The following RAB12 variants were observed in gnomAD, a reference collection of about 807,000 sequenced individuals.
RAB12 encodes the protein RAB12, member RAS oncogene family, also known as ras-related protein Rab-12.
A neutral mutation model predicts 28.4 loss-of-function variants in RAB12; 11 were observed. The observed-to-expected ratio is 0.39, with a 90% confidence interval of 0.24 to 0.64. The LOEUF is 0.64. RAB12 is among the 30% of genes least tolerant of loss of function. RAB12 has a pLI of 0.50. For synonymous variants in RAB12, 138 were observed against 145.3 expected (o/e 0.95, Z 0.36); for missense variants, 276 against 351.1 (o/e 0.79, Z 1.71).
At chr18:8,634,565 C>T (rs1188222224) in intron 3 of RAB12, among the ~76,000 whole-genome samples, 1 of 152,156 alleles carries the variant, frequency 6.6e-6, no homozygotes, top group Non-Finnish European at 1.5e-5. Context: ...AATCCTACCC[C>T]ATTTGGTACT....
intron 3 of RAB12, among the ~76,000 whole-genome samples, chr18:8,634,012 G>A (rs1202344192): frequency 2.6e-5 from 4 of 152,112 alleles, no homozygotes; most frequent in African/African-American, 9.7e-5. Flanking sequence ...TAGTTCCTTT[G>A]CATAACAAGC....
chr18:8,637,989 G>C (rs1046374959), intron 5 of RAB12, among the ~76,000 whole-genome samples, 160 bp from the exon 6 acceptor site: 6 of 152,166 alleles, frequency 3.9e-5, no homozygotes, highest in Non-Finnish European at 8.8e-5. Context: ...CAGAGGCGGA[G>C]GAGAAGGTGA....
intron 1 of RAB12, among the ~76,000 whole-genome samples, chr18:8,612,013 G>C (rs1273757659): frequency 6.6e-6 from 1 of 152,198 alleles, no homozygotes; most frequent in Non-Finnish European, 1.5e-5. Flanking sequence ...CTCCACTTCA[G>C]TTTCTGCTTC....
intron 1 of RAB12, among the ~76,000 whole-genome samples, chr18:8,621,373 C>A (rs2096009792): frequency 6.6e-6 from 1 of 152,114 alleles, no homozygotes; most frequent in African/African-American, 2.4e-5. Context: ...GTATATGTTT[C>A]TAAGCCAAAA....
chr18:8,613,774 A>T (rs995276320), intron 1 of RAB12, among the ~76,000 whole-genome samples: 1 of 152,160 alleles, frequency 6.6e-6, no homozygotes, highest in East Asian at 1.9e-4. Context: ...AGGCTCTGCC[A>T]CTAACTAGTT....
chr18:8,616,601 T>G (rs962691710), intron 1 of RAB12, among the ~76,000 whole-genome samples: 1 of 152,172 alleles, frequency 6.6e-6, no homozygotes, highest in Non-Finnish European at 1.5e-5. Context: ...TTTCGCTGGC[T>G]TCCTCTCACC....
chr18:8,624,175 C>T (rs529937977), intron 1 of RAB12, among the ~76,000 whole-genome samples: 1 of 152,350 alleles, frequency 6.6e-6, no homozygotes, highest in African/African-American at 2.4e-5. Context: ...GCCAGCATCC[C>T]TTTTGTTTCC....
At chr18:8,628,461 A>G (rs1179654620) in intron 2 of RAB12, among the ~76,000 whole-genome samples, 1 of 152,176 alleles carries the variant, frequency 6.6e-6, no homozygotes, top group Non-Finnish European at 1.5e-5. Flanking sequence ...TCAAAGAAAC[A>G]TGCTTTTCTA....
At chr18:8,629,848 T>C (rs9947669) in intron 2 of RAB12, among the ~76,000 whole-genome samples, 18,551 of 152,230 alleles carry the variant, frequency 0.12, 1,351 homozygotes, top group Admixed American at 0.17. Context: ...TGAGAGGCTC[T>C]GGTGGCCTTG....
At chr18:8,620,139 C>CTTTTTTTTTTTTTTTTTTTTTTTTT (rs71165795) in intron 1 of RAB12, among the ~76,000 whole-genome samples, 3 of 53,952 alleles carry the variant, frequency 5.6e-5, no homozygotes, top group Non-Finnish European at 9.3e-5. Context: ...TTTTCTTCTT[C>CTTTTTTTTTTTTTTTTTTTTTTTTT]TTTTTTTTTT....
chr18:8,628,989 A>G (rs2096014428), intron 2 of RAB12, among the ~76,000 whole-genome samples: 1 of 152,230 alleles, frequency 6.6e-6, no homozygotes, highest in Non-Finnish European at 1.5e-5. Flanking sequence ...TCTGATTGTT[A>G]TTTAAATTTG....
chr18:8,633,353 T>C (rs555726750), intron 3 of RAB12, 26 bp downstream of exon 3: 61 of 1,612,528 alleles, frequency 3.8e-5, no homozygotes, highest in Middle Eastern at 1.7e-4. Context: ...TTCTGTCCAA[T>C]GTGAACTCTC....
chr18:8,626,630 T>A (rs2096012825), intron 2 of RAB12, among the ~76,000 whole-genome samples: 1 of 152,214 alleles, frequency 6.6e-6, no homozygotes, highest in Admixed American at 6.5e-5. Flanking sequence ...TGTCCTTGAC[T>A]CTGAGATAAG....
intron 1 of RAB12, 98 bp downstream of exon 1, chr18:8,610,051 T>G: frequency 1.1e-6 from 1 of 884,402 alleles, no homozygotes; most frequent in Non-Finnish European, 1.8e-6. Flanking sequence ...TGGGAGTCTT[T>G]CGGGGATGGG....
chr18:8,611,325 C>T (rs1458672302), intron 1 of RAB12, among the ~76,000 whole-genome samples: 6 of 152,096 alleles, frequency 3.9e-5, no homozygotes, highest in African/African-American at 1.4e-4. Flanking sequence ...TTAGAATTGT[C>T]AATATTTTAT....
At chr18:8,610,389 C>G (rs1005925432) in intron 1 of RAB12, among the ~76,000 whole-genome samples, 8 of 152,244 alleles carry the variant, frequency 5.3e-5, no homozygotes, top group African/African-American at 1.9e-4. Flanking sequence ...GGGCAGTTTT[C>G]TTATTTTGAA....
chr18:8,635,687 TAATA>T (rs1353181440), intron 4 of RAB12, 65 bp downstream of exon 4: 1 of 939,072 alleles, frequency 1.1e-6, no homozygotes. Flanking sequence ...CTGTTTCTTT[TAATA>T]AATTACTTAT....
intron 1 of RAB12, among the ~76,000 whole-genome samples, chr18:8,612,357 T>C (rs2096004302): frequency 6.6e-6 from 1 of 151,804 alleles, no homozygotes; most frequent in Non-Finnish European, 1.5e-5. Flanking sequence ...TGGTGTAGAA[T>C]TGTGGTTGCC....
At chr18:8,629,860 A>G (rs759427669) in intron 2 of RAB12, among the ~76,000 whole-genome samples, 1 of 152,172 alleles carries the variant, frequency 6.6e-6, no homozygotes, top group Non-Finnish European at 1.5e-5. Context: ...GTGGCCTTGC[A>G]TGGAAGAGCC....
Sources: allele counts gnomAD v4.1 joint callset (sites outside exome capture counted in the v4.1 genomes callset), GRCh38; gene constraint gnomAD v4.1.1; transcripts MANE v1.5; gene names NCBI Gene and HGNC (gene_info 2026-07-23, HGNC 2026-07-21).